Variants in PMS1 observed in about 807,000 individuals in gnomAD.
The protein encoded by PMS1 is PMS1 protein homolog 1.
Under a neutral mutation model 93.1 loss-of-function variants are expected in PMS1, and 79 were observed. The ratio of observed to expected loss-of-function variants is 0.85; its 90% CI spans 0.71 to 1.02. The LOEUF (loss-of-function observed/expected upper bound fraction) is 1.02. Among genes scored for constraint, PMS1 ranks in the 50% least tolerant of loss-of-function variants. The pLI, the probability that PMS1 is intolerant of heterozygous loss-of-function variation, is 0.00. For synonymous variants in PMS1, 335 were observed against 363.4 expected, an observed-to-expected ratio of 0.92 and a Z score of 0.89; for missense variants, 1,064 against 1,085.3, an observed-to-expected ratio of 0.98 and a Z score of 0.28.
intron 5 of PMS1, among the ~76,000 whole-genome samples, chr2:189,825,533 A>G (rs892769067): frequency 1.3e-5 from 2 of 152,234 alleles, no homozygotes; most frequent in Admixed American, 6.5e-5. Context: ...CCACTAGTTC[A>G]GAACATAATG....
chr2:189,802,578 A>G lies in PMS1; in HGVS notation c.316-3074A>G, dbSNP rs1219302943. 2.6e-5 allele frequency among the ~76,000 whole-genome samples: 4 copies of G among 152,142 alleles called. No individual in the cohort carries two copies. In the South Asian group the frequency reaches 8.3e-4, roughly 32 times the overall value. ...CTGTACATAATTTTGTGATGAGATA[A>G]TATAGGATCTGTAGGTTTGTTTTTG... is the stretch of plus-strand genomic sequence containing the variant. On this transcript the variant is annotated intron_variant, in intron 3 of 12. Coordinates refer to ENST00000441310, the MANE Select transcript of PMS1 (RefSeq NM_000534.5).
intron 4 of PMS1, among the ~76,000 whole-genome samples, chr2:189,809,552 T>C (rs1226737646): frequency 2.0e-5 from 3 of 151,238 alleles, no homozygotes; most frequent in East Asian, 1.9e-4. Context: ...ATAATTCTTA[T>C]TAATCTCAAT....
chr2:189,856,097 A>G (rs1559310204), intron 9 of PMS1, among the ~76,000 whole-genome samples: 1 of 151,586 alleles, frequency 6.6e-6, no homozygotes, highest in Non-Finnish European at 1.5e-5. Flanking sequence ...AAAGACCACT[A>G]TTAACACCAA....
At chr2:189,871,314 T>C (rs2057125200) in intron 11 of PMS1, among the ~76,000 whole-genome samples, 1 of 148,232 alleles carries the variant, frequency 6.7e-6, no homozygotes, top group African/African-American at 2.5e-5. Flanking sequence ...TCATGAGCTT[T>C]AAAAAAAAAA....
intron 5 of PMS1, among the ~76,000 whole-genome samples, chr2:189,828,832 A>T (rs569623592): frequency 6.6e-6 from 1 of 151,468 alleles, no homozygotes; most frequent in East Asian, 1.9e-4. Context: ...GACAGAGTTC[A>T]CTGATTGGTA....
chr2:189,838,253 A>T (rs558992223), intron 5 of PMS1, among the ~76,000 whole-genome samples: 14 of 152,200 alleles, frequency 9.2e-5, no homozygotes, highest in Non-Finnish European at 2.1e-4. Flanking sequence ...TAATTTTAAC[A>T]GGTATGGTGG....
At chr2:189,799,722 A>G (rs1294265728) in intron 3 of PMS1, among the ~76,000 whole-genome samples, 1 of 152,076 alleles carries the variant, frequency 6.6e-6, no homozygotes, top group Non-Finnish European at 1.5e-5. Flanking sequence ...AGTGTTGGTG[A>G]CTCACCCCTG....
At chr2:189,820,460 G>T (rs1484663526) in intron 5 of PMS1, among the ~76,000 whole-genome samples, 1 of 151,982 alleles carries the variant, frequency 6.6e-6, no homozygotes, top group Non-Finnish European at 1.5e-5. Context: ...ACCATGCCTG[G>T]CTCATTTTTA....
At chr2:189,789,955 A>G (rs924066702) in intron 1 of PMS1, among the ~76,000 whole-genome samples, 1 of 152,156 alleles carries the variant, frequency 6.6e-6, no homozygotes, top group Non-Finnish European at 1.5e-5. Context: ...TGGAATTTCC[A>G]TAGGACGTTT....
chr2:189,825,741 C>T (rs773208160), intron 5 of PMS1, among the ~76,000 whole-genome samples: 3 of 152,150 alleles, frequency 2.0e-5, no homozygotes. Flanking sequence ...TTAACTGTTA[C>T]GAAAGAGAGA....
intron 6 of PMS1, among the ~76,000 whole-genome samples, chr2:189,852,166 T>G (rs572811200): frequency 2.9e-5 from 4 of 138,302 alleles, no homozygotes; most frequent in East Asian, 4.0e-4. Flanking sequence ...AGTAAAAGAG[T>G]TTTTTTTTTT....
chr2:189,807,076 G>A (rs1177651282), intron 4 of PMS1: 2 of 176,750 alleles, frequency 1.1e-5, no homozygotes, highest in East Asian at 1.9e-4. Flanking sequence ...TTCATTTCAT[G>A]TATAAAATAT....
At chr2:189,826,856 T>C (rs1167196582) in intron 5 of PMS1, among the ~76,000 whole-genome samples, 2 of 152,190 alleles carry the variant, frequency 1.3e-5, no homozygotes, top group Non-Finnish European at 2.9e-5. Flanking sequence ...TAGGTAGTGT[T>C]AAAGCCAAAA....
chr2:189,802,683 G>A (rs2049996297), intron 3 of PMS1, among the ~76,000 whole-genome samples: 1 of 152,120 alleles, frequency 6.6e-6, no homozygotes, highest in African/African-American at 2.4e-5. Context: ...ATGGAAGTTG[G>A]GACTCACTTA....
intron 5 of PMS1, among the ~76,000 whole-genome samples, chr2:189,840,392 TAC>T (rs1240747686): frequency 4.6e-5 from 7 of 152,232 alleles, no homozygotes; most frequent in African/African-American, 1.7e-4. Flanking sequence ...TTGTGATTGG[TAC>T]AAGAGTAGGT....
At chr2:189,822,479 C>A (rs992510315) in intron 5 of PMS1, among the ~76,000 whole-genome samples, 1 of 151,902 alleles carries the variant, frequency 6.6e-6, no homozygotes, top group African/African-American at 2.4e-5. Flanking sequence ...GTCAGCTGAT[C>A]GAGACTGGAG....
chr2:189,820,409 C>T lies in PMS1; in HGVS notation c.582+2229C>T, dbSNP rs150064867. Among the ~76,000 whole-genome samples, 7 of 152,162 alleles carry T rather than the reference C, an allele frequency of 4.6e-5. No individual in the cohort carries two copies. The East Asian group carries it at 1.4e-3, about 29-fold the overall frequency. On this transcript the variant is annotated intron_variant, in intron 5 of 12. Transcript: ENST00000441310. Reference sequence around the variant, plus strand: ...AGCCTTAGGCTCAAGCAATCCCTTCCACCTCAGCCTCCTGAGTAGCTGGGG... The same window carrying T: ...AGCCTTAGGCTCAAGCAATCCCTTCTACCTCAGCCTCCTGAGTAGCTGGGG...
intron 3 of PMS1, among the ~76,000 whole-genome samples, chr2:189,802,517 C>A (rs1408615276): frequency 1.3e-5 from 2 of 151,996 alleles, no homozygotes; most frequent in East Asian, 3.8e-4. Flanking sequence ...GTTAAGTGGA[C>A]CTGCACAGTT....
intron 5 of PMS1, among the ~76,000 whole-genome samples, chr2:189,823,209 GT>G (rs890921949): frequency 2.0e-5 from 3 of 151,630 alleles, no homozygotes; most frequent in Non-Finnish European, 4.4e-5. Context: ...ACAGATTTGG[GT>G]TTTTTTGTTT....
Sources: gnomAD v4.1 joint callset for allele counts (sites outside exome capture counted in the v4.1 genomes callset) on GRCh38, gnomAD v4.1.1 for gene constraint, MANE v1.5 for transcripts, NCBI Gene and HGNC (gene_info 2026-07-23, HGNC 2026-07-21) for gene names.